The following PITPNM1 variants were observed in gnomAD, a reference collection of about 807,000 sequenced individuals.
PITPNM1 encodes the protein phosphatidylinositol transfer protein membrane associated 1.
In PITPNM1, 74 loss-of-function variants were observed where a neutral mutation model predicts 133.3. That is an observed-to-expected ratio of 0.56 (90% CI 0.46 to 0.67). PITPNM1 has a LOEUF of 0.67. Ranked by LOEUF, PITPNM1 falls within the 30% of genes least tolerant of loss-of-function variation. PITPNM1 has a pLI of 0.00. For missense variants in PITPNM1, 1,398 were observed against 1,739.5 expected (o/e 0.80, Z 3.49); for synonymous variants, 738 against 741.4 (o/e 1.00, Z 0.08).
In PITPNM1 at chr11:67,504,236, G is replaced by T; in HGVS notation, c.-41-15C>A. 1 of 1,370,872 alleles carries T rather than the reference G, an allele frequency of 7.3e-7. No homozygotes were observed. Among genetic ancestry groups the T allele is most frequent in the Non-Finnish European group, 1.0e-6 (1 of 1,004,378 alleles). The allele number at this position is 1,370,872 out of a possible 1,614,324, so 84.9% of individuals were successfully genotyped here. A position where few individuals can be genotyped will look rare whatever the true frequency, so the allele number is the denominator to read the frequency against. On this transcript the variant is annotated splice_polypyrimidine_tract_variant and intron_variant, in intron 1 of 23. Coordinates refer to ENST00000356404, the MANE Select transcript of PITPNM1 (RefSeq NM_004910.3). This position sits in a 1 kb window ranked among gnomAD's most constrained non-coding sequence, Gnocchi z 5.4. ...CTCCGCTCCTCCTGGCGCAGGGCAC[G>T]GCGCGACAGTCAGTGCGGGGAGGCT...
Position 67,502,635 on chromosome 11 carries a change from G to T in PITPNM1, c.162C>A (p.Gly54=), listed in dbSNP as rs749838761. The change falls in exon 3 of 24, where the codon GGC becomes GGA. Residue 54 remains glycine (G), a synonymous_variant. Transcript: ENST00000356404. The surrounding 1 kb of genome is among the most constrained non-coding windows in gnomAD (Gnocchi z 5.9). The part of the protein sequence containing the change: ...ANRPYTDGPG[G]SGQYTHKVYH... The stretch of plus-strand genomic sequence containing the variant: ...ACACCTTGTGTGTGTATTGCCCGCT[G>T]CCCCCGGGCCCATCCGTGTAGGGCC... 6 of 1,613,518 alleles carry T rather than the reference G, an allele frequency of 3.7e-6. No homozygotes were observed. In the Admixed American group the frequency reaches 1.0e-4, roughly 27 times the overall value.
Position 67,502,696 on chromosome 11 carries a change from C to T in PITPNM1, c.101G>A (p.Ser34Asn). 1.2e-6 allele frequency: 2 copies of T among 1,613,062 alleles called. No individual in the cohort carries two copies. Among genetic ancestry groups the T allele is most frequent in the South Asian group, 1.1e-5 (1 of 91,074 alleles). ...GATCTCCACGCCGCTGCCCTCACCA[C>T]TAGACTCCTCCCGGCTCTTTTTCTG... ...MIQKKSREES[S>N]GEGSGVEILA... The change falls in exon 3 of 24, where the codon AGT (serine) becomes AAT (asparagine). Residue 34 changes from serine (S) to asparagine (N), a missense_variant. This residue lies in a region of PITPNM1 where 274 missense variants were observed against 360.7 expected (regional missense o/e 0.76). Transcript: ENST00000356404. The surrounding 1 kb of genome is among the most constrained non-coding windows in gnomAD (Gnocchi z 5.9).
chr11:67,503,112 T>C (rs1319284934), intron 2 of PITPNM1, among the ~76,000 whole-genome samples: 1 of 152,180 alleles, frequency 6.6e-6, no homozygotes, highest in African/African-American at 2.4e-5. Context: ...CTAGGTGCTA[T>C]AGGAAAAGAA....
chr11:67,497,199 CT>C, intron 14 of PITPNM1, 31 bp downstream of exon 14: 1 of 1,545,342 alleles, frequency 6.5e-7, no homozygotes. Context: ...CAGACAGAGA[CT>C]AGAGGCGCCC....
chr11:67,493,418 C>A lies in PITPNM1; in HGVS notation c.3334G>T (p.Val1112Leu). 6.3e-7 allele frequency: 1 copy of A among 1,590,360 alleles called. No homozygotes were observed. The highest frequency in any genetic ancestry group is 1.1e-5 in the South Asian group (1 of 89,088). Residue 1112 changes from valine (V) to leucine (L), a missense_variant, in exon 22 of 24, where the codon GTG (valine) becomes TTG (leucine). Around this residue, in one of 5 missense-constraint regions of PITPNM1, gnomAD observed 233 missense variants for 378.0 expected, o/e 0.62. Coordinates refer to ENST00000356404, the MANE Select transcript of PITPNM1 (RefSeq NM_004910.3). Reference protein sequence around the residue: ...RQKAMFLQSLVQEVELNIVAG... With the variant: ...RQKAMFLQSLLQEVELNIVAG... Reference sequence around the variant, plus strand: ...TCCCCCAGCCGCCGCACCTCCTGCACCAGGCTCTGCAGAAACATTGCCTTC... The same window carrying A: ...TCCCCCAGCCGCCGCACCTCCTGCAACAGGCTCTGCAGAAACATTGCCTTC...
At chr11:67,495,306 C>T (rs375265073) in intron 16 of PITPNM1, 81 bp from the exon 17 acceptor site, 37 of 1,486,274 alleles carry the variant, frequency 2.5e-5, no homozygotes, top group African/African-American at 5.6e-5. Context: ...TTCCCTCCCC[C>T]CTTTTCACCC....
rs772752918 is a variant in PITPNM1, at chr11:67,502,293, C to A, written c.414G>T (p.Leu138=). ...LSGAERRQRI[L]DTIDIVRDAV... ...TCCCCCCATAGCTCCAGGCCTCACCCAGGATGCGCTGTCTCCTCTCGGCCC... is the reference window on the plus strand; with the variant it reads ...TCCCCCCATAGCTCCAGGCCTCACCAAGGATGCGCTGTCTCCTCTCGGCCC... Residue 138 remains leucine, a splice_region_variant and synonymous_variant, in exon 4 of 24, where the codon CTG becomes CTT. Coordinates refer to ENST00000356404, the MANE Select transcript of PITPNM1 (RefSeq NM_004910.3). The surrounding 1 kb of genome is among the most constrained non-coding windows in gnomAD (Gnocchi z 5.9). 3 of 1,612,858 alleles carry A rather than the reference C, an allele frequency of 1.9e-6. No homozygotes were observed. The highest frequency in any genetic ancestry group is 8.5e-7 in the Non-Finnish European group (1 of 1,179,940).
At position 67,505,121 on chromosome 11, in the gene PITPNM1, C is replaced by T. The variant is rs551848591; in HGVS notation, c.-42+67G>A. The T allele has an allele frequency of 6.5e-6, 1 of 152,828 alleles. No individual in the cohort carries two copies. The highest frequency in any genetic ancestry group is 1.5e-5 in the Non-Finnish European group (1 of 68,484). 9.5% of individuals were successfully genotyped at this position (152,828 alleles called of 1,614,324 possible). ...GCGAGAGGCCCCGTTGTCCCCACTTCCCTCTGCTCGCCGGCGTCCCGGTCC... is the reference window on the plus strand; with the variant it reads ...GCGAGAGGCCCCGTTGTCCCCACTTTCCTCTGCTCGCCGGCGTCCCGGTCC... On this transcript the variant is annotated intron_variant, in intron 1 of 23. Coordinates refer to ENST00000356404, the MANE Select transcript of PITPNM1 (RefSeq NM_004910.3). This position sits in a 1 kb window ranked among gnomAD's most constrained non-coding sequence, Gnocchi z 5.8.
At position 67,494,376 on chromosome 11, in the gene PITPNM1, G is replaced by A; in HGVS notation, c.2743-16C>T. The A allele has an allele frequency of 6.4e-7, 1 of 1,573,166 alleles. No homozygotes were observed. The highest frequency in any genetic ancestry group is 8.7e-7 in the Non-Finnish European group (1 of 1,155,468). On this transcript the variant is annotated splice_polypyrimidine_tract_variant and intron_variant, in intron 18 of 23. Transcript: ENST00000356404. Reference sequence around the variant, plus strand: ...AAGTGACGTTCTAGAGGGAGGAGAGGGCGTGAGTCCGCGGCCAGCAAAGGA... The same window carrying A: ...AAGTGACGTTCTAGAGGGAGGAGAGAGCGTGAGTCCGCGGCCAGCAAAGGA...
At chr11:67,503,092 T>C (rs1565197129) in intron 2 of PITPNM1, among the ~76,000 whole-genome samples, 1 of 152,172 alleles carries the variant, frequency 6.6e-6, no homozygotes, top group African/African-American at 2.4e-5. Flanking sequence ...ATGTGGTGTG[T>C]TAGAAGGCGC....
intron 18 of PITPNM1, 67 bp downstream of exon 18, chr11:67,494,779 C>T: frequency 1.0e-6 from 1 of 982,618 alleles, no homozygotes; most frequent in Non-Finnish European, 1.5e-6. Context: ...GGGGGAGGGG[C>T]GGGGCCTCTC....
intron 5 of PITPNM1, among the ~76,000 whole-genome samples, chr11:67,501,040 G>A (rs923249777): frequency 3.2e-4 from 49 of 152,332 alleles, no homozygotes; most frequent in African/African-American, 8.4e-4. Flanking sequence ...AAGACAAGGC[G>A]TCCTCATTAT....
At chr11:67,499,699 C>T (rs1479641701) in intron 8 of PITPNM1, 24 bp downstream of exon 8, 30 of 1,322,502 alleles carry the variant, frequency 2.3e-5, no homozygotes, top group East Asian at 2.4e-5. Context: ...TGCTGGGGGC[C>T]GGTGTCCTAG....
chr11:67,503,989 G>C (rs1237152128), intron 2 of PITPNM1, 114 bp downstream of exon 2: 11 of 697,714 alleles, frequency 1.6e-5, no homozygotes, highest in Admixed American at 1.5e-4. Context: ...ACATCTGAAG[G>C]GGGGCCTCTC....
Position 67,500,213 on chromosome 11 carries a change from G to A in PITPNM1, c.849C>T (p.Ser283=). The A allele has an allele frequency of 6.2e-7, 1 of 1,603,874 alleles. No homozygotes were observed. Among genetic ancestry groups the A allele is most frequent in the South Asian group, 1.1e-5 (1 of 90,986 alleles). ...KPSTEARSAA[S]NTGTPDGPEA... ...CAGGCCCATCGGGGGTGCCAGTGTT[G>A]CTGGCCGCAGACCGGGCCTCGGTGC... Residue 283 remains serine (S), a synonymous_variant, in exon 6 of 24, where the codon AGC becomes AGT. Coordinates refer to ENST00000356404, the MANE Select transcript of PITPNM1 (RefSeq NM_004910.3).
At chr11:67,503,811 G>A (rs1866407315) in intron 2 of PITPNM1, 1 of 324,758 alleles carries the variant, frequency 3.1e-6, no homozygotes. Flanking sequence ...CTCTGCCGCG[G>A]AGGCCCCCCT....
At chr11:67,494,802 G>A in intron 18 of PITPNM1, 44 bp downstream of exon 18, 1 of 1,391,772 alleles carries the variant, frequency 7.2e-7, no homozygotes, top group East Asian at 2.3e-5. Context: ...GTGAGTGGGC[G>A]AGAGTGGGCG....
Position 67,496,211 on chromosome 11 carries a change from A to C in PITPNM1, c.2284T>G (p.Phe762Val). 1 of 1,545,512 alleles carries C rather than the reference A, an allele frequency of 6.5e-7. No individual in the cohort carries two copies. The change falls in exon 15 of 24, where the codon TTC (phenylalanine) becomes GTC (valine). Residue 762 changes from phenylalanine to valine, a missense_variant. Phe to Val is a conservative substitution (Grantham distance 50, BLOSUM62 -1). Around this residue, in one of 5 missense-constraint regions of PITPNM1, gnomAD observed 574 missense variants for 698.7 expected, o/e 0.82. Coordinates refer to ENST00000356404, the MANE Select transcript of PITPNM1 (RefSeq NM_004910.3). ...APLTVPRYQKFPLGDGSSLLL... is the reference protein window; with the variant it reads ...APLTVPRYQKVPLGDGSSLLL... The stretch of plus-strand genomic sequence containing the variant: ...AGGGATGAGCCATCTCCCAGGGGGA[A>C]CTTCTGGTAGCGGGGCACGGTCAGT...
rs143930416 is a variant in PITPNM1, at chr11:67,502,361, G to A, written c.346C>T (p.Leu116=). 6.6e-5 allele frequency: 107 copies of A among 1,613,816 alleles called. No individual in the cohort carries two copies. The Middle Eastern group carries it at 9.9e-4, about 15-fold the overall frequency. Reference sequence around the variant, plus strand: ...TTTGGCTGCTGCCCCCCATCAGGCAGGTAATAGGTCTCAATTTCAATGGAG... The same window carrying A: ...TTTGGCTGCTGCCCCCCATCAGGCAAGTAATAGGTCTCAATTTCAATGGAG... The part of the protein sequence containing the change: ...KFSIEIETYY[L]PDGGQQPNVF... Residue 116 remains leucine, a synonymous_variant, in exon 4 of 24, where the codon CTG becomes TTG. Coordinates refer to ENST00000356404, the MANE Select transcript of PITPNM1 (RefSeq NM_004910.3). The surrounding 1 kb of genome is among the most constrained non-coding windows in gnomAD (Gnocchi z 5.9).
Sources: allele counts gnomAD v4.1 joint callset (sites outside exome capture counted in the v4.1 genomes callset), GRCh38; gene constraint gnomAD v4.1.1; regional missense constraint gnomAD v4.1.1; non-coding constraint Gnocchi (gnomAD v3.1); transcripts MANE v1.5; gene names NCBI Gene and HGNC (gene_info 2026-07-23, HGNC 2026-07-21).